The following KLF8 variants were observed in gnomAD, a reference collection of about 807,000 sequenced individuals.
The protein encoded by KLF8 is Krueppel-like factor 8.
In KLF8, 10 loss-of-function variants were observed where a neutral mutation model predicts 18.2. The observed-to-expected ratio is 0.55, with a 90% CI of 0.34 to 0.93. KLF8 has a LOEUF of 0.93. KLF8 is among the 40% of genes least tolerant of loss of function. The pLI is 0.02. For missense variants in KLF8, 264 were observed against 277.9 expected (o/e 0.95, Z 0.36); for synonymous variants, 109 against 97.3 (o/e 1.12, Z -0.71).
the KLF8 span, among the ~76,000 whole-genome samples, chrX:56,135,423 C>T: frequency 9.1e-6 from 1 of 110,165 alleles, no homozygotes; most frequent in Non-Finnish European, 1.9e-5. Flanking sequence ...AAATTGGAAA[C>T]CATCATTCTC....
the KLF8 span, among the ~76,000 whole-genome samples, chrX:55,998,807 T>TG: frequency 4.2e-3 from 258 of 61,783 alleles, no homozygotes; most frequent in African/African-American, 0.012. Context: ...CTTGGTCTTT[T>TG]AATTTTTTTT....
the KLF8 span, among the ~76,000 whole-genome samples, chrX:56,135,065 G>T: frequency 1.8e-5 from 2 of 111,484 alleles, no homozygotes; most frequent in East Asian, 5.6e-4. Flanking sequence ...GTGCTGGAGA[G>T]GATGTGGAGA....
the KLF8 span, among the ~76,000 whole-genome samples, chrX:56,058,286 A>ATG: frequency 2.1e-5 from 1 of 47,047 alleles, no homozygotes; most frequent in African/African-American, 8.4e-5. Flanking sequence ...ATACATATAT[A>ATG]TATATATATA....
chrX:56,192,166 T>C, the KLF8 span, among the ~76,000 whole-genome samples: 2 of 111,975 alleles, frequency 1.8e-5, no homozygotes, highest in South Asian at 7.4e-4. Context: ...CAGTAGAATT[T>C]CTTAATGCCA....
At chrX:56,206,998 T>C in the KLF8 span, among the ~76,000 whole-genome samples, 1 of 112,963 alleles carries the variant, frequency 8.9e-6, no homozygotes, top group South Asian at 3.6e-4. Context: ...CTGCCAAGGC[T>C]TGGGGCTTGA....
At chrX:56,268,160 A>G (rs2066995431) in intron 3 of KLF8, 2 of 111,346 alleles carry the variant, frequency 1.8e-5, no homozygotes, top group Admixed American at 1.9e-4. Flanking sequence ...GAATAATATT[A>G]TATTGTATAT....
the KLF8 span, among the ~76,000 whole-genome samples, chrX:56,108,363 G>A: frequency 9.8e-5 from 11 of 111,700 alleles, no homozygotes; most frequent in African/African-American, 3.6e-4. Context: ...TTATCATTCT[G>A]AGGAATTATT....
the KLF8 span, among the ~76,000 whole-genome samples, chrX:55,959,825 C>A: frequency 2.7e-5 from 3 of 110,698 alleles, no homozygotes; most frequent in Admixed American, 2.9e-4. Context: ...TTTCAGGATA[C>A]GGTGCATGAA....
the KLF8 span, among the ~76,000 whole-genome samples, chrX:55,919,376 A>G: frequency 9.0e-6 from 1 of 111,634 alleles, no homozygotes; most frequent in Non-Finnish European, 1.9e-5. Flanking sequence ...AAATCCAGAG[A>G]TCCTTTGAAG....
the KLF8 span, among the ~76,000 whole-genome samples, chrX:56,048,340 C>T: frequency 8.9e-6 from 1 of 111,841 alleles, no homozygotes; most frequent in African/African-American, 3.2e-5. Context: ...GAAGCCCTTG[C>T]CCATGTCTAT....
At chrX:56,057,072 A>G in the KLF8 span, among the ~76,000 whole-genome samples, 1 of 111,389 alleles carries the variant, frequency 9.0e-6, no homozygotes, top group Non-Finnish European at 1.9e-5. Context: ...AGTGTTCATC[A>G]CAGTGGTGAA....
At chrX:55,932,032 G>A in the KLF8 span, among the ~76,000 whole-genome samples, 6 of 110,278 alleles carry the variant, frequency 5.4e-5, no homozygotes, top group African/African-American at 9.9e-5. Flanking sequence ...AAGAACTTGC[G>A]TTATGAATCT....
At position 56,291,178 on chromosome X, in the gene KLF8, A is replaced by G. The variant is rs2067319200; in HGVS notation, c.*6684A>G. The stretch of plus-strand genomic sequence containing the variant: ...TTTGTCATTGTTAGTTTGTTTAAAT[A>G]AATTATAAGACAGTATATTAAGCTT... On this transcript the variant is annotated 3_prime_UTR_variant, in exon 6 of 6. Transcript: ENST00000468660. Among the ~76,000 whole-genome samples the G allele has an allele frequency of 8.9e-6, 1 of 111,978 alleles. No individual in the cohort carries two copies. The highest frequency in any genetic ancestry group is 1.9e-5 in the Non-Finnish European group (1 of 53,184).
the KLF8 span, among the ~76,000 whole-genome samples, chrX:56,204,837 C>G: frequency 5.4e-5 from 6 of 110,284 alleles, no homozygotes; most frequent in Non-Finnish European, 1.1e-4. Flanking sequence ...CAGTTTGATT[C>G]TAAATGGAGA....
chrX:56,135,087 T>A, the KLF8 span, among the ~76,000 whole-genome samples: 1 of 111,356 alleles, frequency 9.0e-6, no homozygotes, highest in Non-Finnish European at 1.9e-5. Context: ...ATGGGAACAC[T>A]TTTACACTGT....
At chrX:56,125,679 A>T in the KLF8 span, among the ~76,000 whole-genome samples, 2 of 112,430 alleles carry the variant, frequency 1.8e-5, no homozygotes, top group South Asian at 7.3e-4. Context: ...CATTACTCTA[A>T]TTGTAAATCT....
At chrX:56,249,351 G>T (rs1049829607) in intron 1 of KLF8, among the ~76,000 whole-genome samples, 4 of 112,138 alleles carry the variant, frequency 3.6e-5, no homozygotes, top group African/African-American at 1.3e-4. Context: ...GTTGTTGACT[G>T]CCTGTAATTG....
At chrX:56,095,630 A>T in the KLF8 span, among the ~76,000 whole-genome samples, 1 of 112,113 alleles carries the variant, frequency 8.9e-6, no homozygotes, top group Non-Finnish European at 1.9e-5. Context: ...AATATTATTT[A>T]AAAATGGGAA....
At chrX:56,189,126 C>A in the KLF8 span, among the ~76,000 whole-genome samples, 1 of 111,429 alleles carries the variant, frequency 9.0e-6, no homozygotes, top group Non-Finnish European at 1.9e-5. Flanking sequence ...ACTCATCTGA[C>A]AAAGGGCTAA....
Sources: gnomAD v4.1 joint callset for allele counts (sites outside exome capture counted in the v4.1 genomes callset) on GRCh38, gnomAD v4.1.1 for gene constraint, MANE v1.5 for transcripts, NCBI Gene and HGNC (gene_info 2026-07-23, HGNC 2026-07-21) for gene names.